The following MROH7 variants were observed in gnomAD, a reference collection of about 807,000 sequenced individuals.
The protein encoded by MROH7 is maestro heat like repeat family member 7.
A neutral mutation model predicts 129.2 loss-of-function variants in MROH7; 113 were observed. The ratio of observed to expected loss-of-function variants is 0.87; its 90% confidence interval spans 0.75 to 1.02. MROH7 has a LOEUF of 1.02. Among genes scored for constraint, MROH7 ranks in the 50% least tolerant of loss-of-function variants. MROH7 has a pLI of 0.00. For missense variants in MROH7, 1,601 were observed against 1,671.3 expected (o/e 0.96, Z 0.73); for synonymous variants, 655 against 667.9 (o/e 0.98, Z 0.30).
intron 10 of MROH7, among the ~76,000 whole-genome samples, chr1:54,677,908 C>T (rs898532327): frequency 9.9e-5 from 15 of 152,112 alleles, no homozygotes; most frequent in African/African-American, 3.6e-4. Context: ...ACAAAATAAA[C>T]AAGTAACACA....
chr1:54,710,080 A>G lies in MROH7; in HGVS notation c.3865A>G (p.Thr1289Ala), dbSNP rs1645600734. 6.2e-7 allele frequency: 1 copy of G among 1,614,002 alleles called. No individual in the cohort carries two copies. The highest frequency in any genetic ancestry group is 8.5e-7 in the Non-Finnish European group (1 of 1,179,992). Residue 1289 changes from threonine to alanine, a missense_variant, in exon 24 of 24, where the codon ACC becomes GCC. By Grantham distance (58) the Thr-to-Ala change is moderately conservative. Coordinates refer to ENST00000421030, the MANE Select transcript of MROH7 (RefSeq NM_001039464.4). ...HGNSWVCYSATTHRWSPSCEN... is the reference protein window; with the variant it reads ...HGNSWVCYSAATHRWSPSCEN... ...GAACTCATGGGTGTGTTACTCAGCC[A>G]CCACCCACCGCTGGAGCCCCAGCTG...
chr1:54,670,931 T>A lies in MROH7; in HGVS notation c.1599+2T>A, dbSNP rs769735882. The A allele has an allele frequency of 1.3e-6, 2 of 1,597,640 alleles. No homozygotes were observed. Among genetic ancestry groups the A allele is most frequent in the Non-Finnish European group, 8.5e-7 (1 of 1,172,642 alleles). On this transcript the variant is annotated splice_donor_variant, in intron 7 of 23. Coordinates refer to ENST00000421030, the MANE Select transcript of MROH7 (RefSeq NM_001039464.4). LOFTEE classifies it high-confidence loss of function. ...GAGGCCAAGGCTGAGACCATCCAGG[T>A]GAGGCGGGACCTTCCCAGCAGGGCC...
At chr1:54,685,624 G>T (rs1645136041) in intron 14 of MROH7, among the ~76,000 whole-genome samples, 1 of 152,202 alleles carries the variant, frequency 6.6e-6, no homozygotes, top group Non-Finnish European at 1.5e-5. Context: ...GGATTGGCAG[G>T]TGGAGAAGTT....
chr1:54,665,106 T>C (rs2101093319), intron 3 of MROH7, 61 bp from the exon 4 acceptor site: 3 of 1,334,620 alleles, frequency 2.2e-6, no homozygotes, highest in Middle Eastern at 1.8e-4. Context: ...AGAGATGGCA[T>C]GATGGCATCC....
Position 54,679,842 on chromosome 1 carries a change from G to A in MROH7, c.2227-49G>A, listed in dbSNP as rs753680446. 4.3e-5 allele frequency: 67 copies of A among 1,568,064 alleles called. No homozygotes were observed. In the East Asian group the frequency reaches 1.4e-3, roughly 34 times the overall value. On this transcript the variant is annotated intron_variant, in intron 12 of 23. Coordinates refer to ENST00000421030, the MANE Select transcript of MROH7 (RefSeq NM_001039464.4). ...CCTCCCACCTTCCTGCTGCCCCCGTGCTTCCCTTGGCAGTCCCCTTGCTCA... is the reference window on the plus strand; with the variant it reads ...CCTCCCACCTTCCTGCTGCCCCCGTACTTCCCTTGGCAGTCCCCTTGCTCA...
intron 1 of MROH7, among the ~76,000 whole-genome samples, chr1:54,648,973 A>G (rs1179704518): frequency 2.6e-5 from 4 of 152,168 alleles, no homozygotes; most frequent in Non-Finnish European, 5.9e-5. Context: ...GGAGGAGAAT[A>G]GAAGAGTCCT....
At chr1:54,706,338 C>G (rs1265934190) in intron 21 of MROH7, 97 bp from the exon 22 acceptor site, 3 of 840,228 alleles carry the variant, frequency 3.6e-6, no homozygotes, top group Non-Finnish European at 6.0e-6. Flanking sequence ...ATTTGGGAGG[C>G]AGGGGGTGAG....
chr1:54,670,527 C>T lies in MROH7; in HGVS notation c.1420C>T (p.Leu474Phe), dbSNP rs1644880833. ...RQIQEEPLDS[L>F]SSSVRKQAME... is the part of the protein sequence containing the mutation. ...GATCCAGGAGGAGCCACTGGATTCTCTCTCAAGCTCCGTCCGCAAGCAGGC... is the reference window on the plus strand; with the variant it reads ...GATCCAGGAGGAGCCACTGGATTCTTTCTCAAGCTCCGTCCGCAAGCAGGC... Residue 474 changes from leucine to phenylalanine, a missense_variant, in exon 6 of 24, where the codon CTC becomes TTC. Physicochemically the swap from Leu to Phe is conservative, Grantham distance 22. Transcript: ENST00000421030. The T allele has an allele frequency of 6.2e-7, 1 of 1,613,904 alleles. No homozygotes were observed. The highest frequency in any genetic ancestry group is 2.2e-5 in the East Asian group (1 of 44,856).
intron 22 of MROH7, among the ~76,000 whole-genome samples, chr1:54,707,328 T>A (rs930727573): frequency 9.2e-5 from 14 of 152,090 alleles, no homozygotes; most frequent in African/African-American, 3.4e-4. Context: ...ATTTGTGAAG[T>A]GATATTTTTT....
At chr1:54,701,599 A>G (rs1645437135) in intron 19 of MROH7, among the ~76,000 whole-genome samples, 1 of 152,128 alleles carries the variant, frequency 6.6e-6, no homozygotes, top group African/African-American at 2.4e-5. Context: ...TTTCTTTTTA[A>G]AGGCAGGATC....
chr1:54,706,773 C>G (rs892603104), intron 22 of MROH7, among the ~76,000 whole-genome samples: 1 of 152,192 alleles, frequency 6.6e-6, no homozygotes, highest in African/African-American at 2.4e-5. Flanking sequence ...AGGTCACAAC[C>G]TTGGCAACTG....
Position 54,686,270 on chromosome 1 carries a change from C to G in MROH7, c.2533C>G (p.Leu845Val). The G allele has an allele frequency of 6.2e-7, 1 of 1,613,224 alleles. No individual in the cohort carries two copies. Among genetic ancestry groups the G allele is most frequent in the South Asian group, 1.1e-5 (1 of 90,928 alleles). The change falls in exon 15 of 24, where the codon CTG becomes GTG. Residue 845 changes from leucine to valine, a missense_variant. Coordinates refer to ENST00000421030, the MANE Select transcript of MROH7 (RefSeq NM_001039464.4). Reference sequence around the variant, plus strand: ...CTCTGCCCCATAGGCAGCCAGCGGCCTGTGCGAGCTCCTGTCCGTCAACAG... The same window carrying G: ...CTCTGCCCCATAGGCAGCCAGCGGCGTGTGCGAGCTCCTGTCCGTCAACAG... Reference protein sequence around the residue: ...SIVPLAAASGLCELLSVNSCM... With the variant: ...SIVPLAAASGVCELLSVNSCM...
intron 1 of MROH7, among the ~76,000 whole-genome samples, chr1:54,647,771 G>A (rs1260239185): frequency 6.6e-6 from 1 of 151,240 alleles, no homozygotes; most frequent in Non-Finnish European, 1.5e-5. Flanking sequence ...TGGGTTTGGT[G>A]GTGGGCACCT....
rs1239978639 is a variant in MROH7 at position 54,663,382 on chromosome 1, C to CT, written c.1232-1777dup. ...TGGCGAGAGCCCCGAGCTCTTGTTT[C>CT]TTTTTTTTGAGATGAAATATTGCTC... On this transcript the variant is annotated intron_variant, in intron 3 of 23. Coordinates refer to ENST00000421030, the MANE Select transcript of MROH7 (RefSeq NM_001039464.4). Among the ~76,000 whole-genome samples, 18 of 151,910 alleles carry CT rather than the reference C, an allele frequency of 1.2e-4. No homozygotes were observed. The East Asian group carries it at 2.5e-3, about 21-fold the overall frequency.
rs577569553 is a variant in MROH7 at position 54,695,580 on chromosome 1, T to C, written c.2964+90T>C. 8.4e-6 allele frequency: 7 copies of C among 835,480 alleles called. No individual in the cohort carries two copies. The East Asian group carries it at 1.6e-4, about 19-fold the overall frequency. 51.8% of individuals were successfully genotyped at this position (835,480 alleles called of 1,614,324 possible). A position where few individuals can be genotyped will look rare whatever the true frequency, so the allele number is the denominator to read the frequency against. ...CATTTCTCCTATGTAAACAGTACTT[T>C]ATAGTTTACAAAGCCTTCCCATGGG... On this transcript the variant is annotated intron_variant, in intron 17 of 23. Transcript: ENST00000421030.
intron 2 of MROH7, 32 bp downstream of exon 2, chr1:54,652,015 GT>G (rs1402644927): frequency 6.6e-6 from 1 of 152,536 alleles, no homozygotes; most frequent in East Asian, 1.9e-4. Context: ...CACAGGGAGG[GT>G]AGCCCCAGAT....
chr1:54,708,293 G>A (rs1323704050), intron 22 of MROH7, among the ~76,000 whole-genome samples: 3 of 152,178 alleles, frequency 2.0e-5, no homozygotes, highest in African/African-American at 7.2e-5. Context: ...TGGACATAGT[G>A]GCAAATGCTT....
chr1:54,673,148 G>A lies in MROH7; in HGVS notation c.1657G>A (p.Glu553Lys), dbSNP rs368337420. The change falls in exon 8 of 24, where the codon GAG (glutamate) becomes AAG (lysine). Residue 553 changes from glutamate to lysine, a missense_variant. Glu to Lys is a moderately conservative substitution (Grantham distance 56, BLOSUM62 1). Transcript: ENST00000421030. ...GACACTGCTCAAAGCCCTCTTTATCGAGGACCCCACTCCTGCTGGGCTGAA... is the reference window on the plus strand; with the variant it reads ...GACACTGCTCAAAGCCCTCTTTATCAAGGACCCCACTCCTGCTGGGCTGAA... ...LQTLLKALFIEDPTPAGLKSI... is the reference protein window; with the variant it reads ...LQTLLKALFIKDPTPAGLKSI... 4.3e-6 allele frequency: 7 copies of A among 1,613,782 alleles called. No homozygotes were observed. The African/African-American group carries it at 6.7e-5, about 15-fold the overall frequency.
At chr1:54,692,652 T>C (rs1645258457) in intron 16 of MROH7, 91 bp downstream of exon 16, 1 of 1,350,488 alleles carries the variant, frequency 7.4e-7, no homozygotes, top group Non-Finnish European at 1.0e-6. Context: ...CATCTCTCCC[T>C]GGGCAAGACC....
Sources: allele counts gnomAD v4.1 joint callset (sites outside exome capture counted in the v4.1 genomes callset), GRCh38; gene constraint gnomAD v4.1.1; transcripts MANE v1.5; gene names NCBI Gene and HGNC (gene_info 2026-07-23, HGNC 2026-07-21).